Variants in UNC79 observed in about 807,000 individuals in gnomAD.
The protein encoded by UNC79 is unc-79 subunit of NALCN channel complex.
UNC79 carries 37 observed loss-of-function variants against 283.1 expected under a neutral mutation model. The observed-to-expected ratio is 0.13, with a 90% CI of 0.10 to 0.17. UNC79 has a LOEUF of 0.17. UNC79 is among the 10% of genes least tolerant of loss of function. UNC79 has a pLI of 1.00. For missense variants in UNC79, 2,272 were observed against 3,211.1 expected, an observed-to-expected ratio of 0.71 and a Z score of 7.07; for synonymous variants, 1,107 against 1,200.2, an observed-to-expected ratio of 0.92 and a Z score of 1.61.
chr14:93,337,834 T>G (rs1260707156), intron 1 of UNC79, among the ~76,000 whole-genome samples: 2 of 152,130 alleles, frequency 1.3e-5, no homozygotes, highest in African/African-American at 4.8e-5. Context: ...TCCTGGTGTT[T>G]CCAAGCTTTT....
intron 11 of UNC79, among the ~76,000 whole-genome samples, chr14:93,533,944 G>A (rs1238884734): frequency 2.0e-5 from 3 of 152,152 alleles, no homozygotes; most frequent in African/African-American, 4.8e-5. Flanking sequence ...CTTGTGATCT[G>A]CATGTGATAT....
At chr14:93,457,159 ATTCATTTC>A (rs939851554) in intron 1 of UNC79, among the ~76,000 whole-genome samples, 3 of 152,252 alleles carry the variant, frequency 2.0e-5, no homozygotes, top group African/African-American at 4.8e-5. Context: ...CAATTTATTC[ATTCATTTC>A]TTCATTTCTT....
At chr14:93,450,778 A>G (rs2056611237) in intron 1 of UNC79, among the ~76,000 whole-genome samples, 1 of 151,906 alleles carries the variant, frequency 6.6e-6, no homozygotes. Flanking sequence ...GTCTATTTTT[A>G]CTCATTGTGG....
intron 1 of UNC79, chr14:93,333,653 G>T (rs1011911791): frequency 2.6e-6 from 1 of 382,764 alleles, no homozygotes; most frequent in African/African-American, 2.1e-5. Flanking sequence ...GGACAAAATT[G>T]ATGAAAACAC....
chr14:93,529,733 A>T (rs1054553861), intron 10 of UNC79, among the ~76,000 whole-genome samples: 1 of 152,172 alleles, frequency 6.6e-6, no homozygotes, highest in Non-Finnish European at 1.5e-5. Flanking sequence ...TGCTACTATT[A>T]CTAGTACCAT....
chr14:93,423,547 G>A (rs1411829062), intron 1 of UNC79, among the ~76,000 whole-genome samples: 2 of 152,048 alleles, frequency 1.3e-5, no homozygotes, highest in African/African-American at 4.8e-5. Context: ...CAGAGAACCT[G>A]GAGATAAATC....
At chr14:93,572,228 C>T (rs1171719752) in intron 15 of UNC79, 144 bp downstream of exon 15, 3 of 866,490 alleles carry the variant, frequency 3.5e-6, no homozygotes, top group Admixed American at 3.1e-5. Context: ...CTTGAAGCCC[C>T]AACATGAAAT....
chr14:93,487,850 A>G (rs999802030), intron 5 of UNC79, 95 bp downstream of exon 5: 6 of 1,154,696 alleles, frequency 5.2e-6, no homozygotes, highest in African/African-American at 3.0e-5. Context: ...TGAGAACGTC[A>G]TCATCATAGA....
At chr14:93,496,352 A>G in intron 5 of UNC79, 59 bp from the exon 6 acceptor site, 1 of 1,146,992 alleles carries the variant, frequency 8.7e-7, no homozygotes, top group Non-Finnish European at 1.2e-6. Flanking sequence ...TATGTATATC[A>G]AAGGATGTTT....
intron 30 of UNC79, among the ~76,000 whole-genome samples, chr14:93,625,875 T>G (rs1381208617): frequency 1.3e-5 from 2 of 152,158 alleles, no homozygotes; most frequent in East Asian, 3.8e-4. Context: ...ACATAATGCA[T>G]TTTTCAAGAA....
At chr14:93,608,645 G>A (rs989645624) in intron 26 of UNC79, among the ~76,000 whole-genome samples, 3 of 152,196 alleles carry the variant, frequency 2.0e-5, no homozygotes, top group Non-Finnish European at 4.4e-5. Context: ...CTTACTCATT[G>A]GCTGCCCTGG....
chr14:93,417,625 T>G lies in UNC79; in HGVS notation c.-350-50046T>G, dbSNP rs553673126. On this transcript the variant is annotated intron_variant, in intron 1 of 49. Transcript: ENST00000256339. ...AATATCCTGCAGAGTGTTTTCCAACTTGGTTCCATTCTCCCCGTCACTTTC... is the reference window on the plus strand; with the variant it reads ...AATATCCTGCAGAGTGTTTTCCAACGTGGTTCCATTCTCCCCGTCACTTTC... Among the ~76,000 whole-genome samples the G allele has an allele frequency of 4.0e-4, 61 of 152,370 alleles. 1 individual carries two copies. Among genetic ancestry groups the G allele is most frequent in the Non-Finnish European group, 2.1e-4 (14 of 68,040 alleles).
chr14:93,462,359 C>T (rs1048068338), intron 1 of UNC79, among the ~76,000 whole-genome samples: 2 of 152,098 alleles, frequency 1.3e-5, no homozygotes, highest in Non-Finnish European at 2.9e-5. Flanking sequence ...TTTTGTGTCA[C>T]GACGTTAGGT....
At position 93,445,688 on chromosome 14, in the gene UNC79, G is replaced by A. The variant is rs528448150; in HGVS notation, c.22+14637G>A. ...AAAGGGTTTGTGTAGAATTGATAAC[G>A]ATTCCTTGATTTTTTGATAAATTCA... On this transcript the variant is annotated intron_variant, in intron 1 of 48. Coordinates refer to ENST00000555664, the Ensembl canonical transcript of UNC79. 2.1e-4 allele frequency among the ~76,000 whole-genome samples: 32 copies of A among 152,218 alleles called. No homozygotes were observed. In the South Asian group the frequency reaches 4.6e-3, roughly 22 times the overall value.
At chr14:93,580,074 C>A in intron 18 of UNC79, 75 bp from the exon 19 acceptor site, 2 of 1,357,906 alleles carry the variant, frequency 1.5e-6, no homozygotes, top group Non-Finnish European at 2.0e-6. Context: ...GAATATTGGA[C>A]AAATGGACCA....
intron 1 of UNC79, among the ~76,000 whole-genome samples, chr14:93,363,287 G>A (rs2054262667): frequency 6.6e-6 from 1 of 152,082 alleles, no homozygotes; most frequent in South Asian, 2.1e-4. Flanking sequence ...AGAGCTCTTG[G>A]TATTGATTTC....
upstream of UNC79, among the ~76,000 whole-genome samples, chr14:93,426,888 C>G (rs1269814136): frequency 6.6e-6 from 1 of 151,994 alleles, no homozygotes; most frequent in Non-Finnish European, 1.5e-5. Flanking sequence ...TCAAGTGGGT[C>G]ACATTTCCTT....
chr14:93,456,661 G>C lies in UNC79; in HGVS notation c.23-11010G>C, dbSNP rs1313692343. Among the ~76,000 whole-genome samples the C allele has an allele frequency of 2.0e-5, 3 of 152,264 alleles. No homozygotes were observed. In the Middle Eastern group the frequency reaches 0.01, roughly 518 times the overall value. On this transcript the variant is annotated intron_variant, in intron 1 of 48. Coordinates refer to ENST00000555664, the Ensembl canonical transcript of UNC79. ...TCTATGAAGGGTGTTTCACTTTCCT[G>C]CACCCAGAGGTACATAGCTCTAATC...
intron 7 of UNC79, among the ~76,000 whole-genome samples, chr14:93,505,936 C>G (rs1304651729): frequency 6.6e-6 from 1 of 151,534 alleles, no homozygotes. Flanking sequence ...CCATTTACTC[C>G]CTCCTGACTT....
Sources: allele counts gnomAD v4.1 joint callset (sites outside exome capture counted in the v4.1 genomes callset), GRCh38; gene constraint gnomAD v4.1.1; transcripts MANE v1.5; gene names NCBI Gene and HGNC (gene_info 2026-07-23, HGNC 2026-07-21).